Variants in RNF213 observed in about 807,000 individuals in gnomAD.
RNF213 encodes ring finger protein 213.
A neutral mutation model predicts 514.4 loss-of-function variants in RNF213; 341 were observed. That is an observed-to-expected ratio of 0.66 (90% CI 0.61 to 0.73). The LOEUF is 0.73. Ranked by LOEUF, RNF213 falls within the 30% of genes least tolerant of loss-of-function variation. RNF213 has a pLI of 0.00. For synonymous variants in RNF213, 2,655 were observed against 2,658.2 expected (o/e 1.00, Z 0.04); for missense variants, 5,767 against 6,615.6 (o/e 0.87, Z 4.45).
At chr17:80,324,066 A>G (rs1004918691) in intron 17 of RNF213, among the ~76,000 whole-genome samples, 3 of 152,162 alleles carry the variant, frequency 2.0e-5, no homozygotes, top group African/African-American at 7.2e-5. Context: ...ACTTCTTCCA[A>G]TCTGGATGCC....
At position 80,290,484 on chromosome 17, in the gene RNF213, CA is replaced by C. The variant is rs2044676571; in HGVS notation, c.1113-85del. On this transcript the variant is annotated intron_variant, in intron 6 of 67. Coordinates refer to ENST00000582970, the MANE Select transcript of RNF213 (RefSeq NM_001256071.3). The stretch of plus-strand genomic sequence containing the variant: ...ATGTGTGTGTGCACGTGTGTGTGCG[CA>C]CGTGTGTGTGTGCGCGTGTGTGCAT... The C allele has an allele frequency of 4.3e-5, 66 of 1,523,358 alleles. 2 individuals are homozygous for C. The South Asian group carries it at 7.2e-4, about 17-fold the overall frequency. 94.4% of individuals were successfully genotyped at this position (1,523,358 alleles called of 1,614,324 possible). A position where few individuals can be genotyped will look rare whatever the true frequency, so the allele number is the denominator to read the frequency against.
Position 80,295,559 on chromosome 17 carries a change from G to A in RNF213, c.1758G>A (p.Val586=). 1 of 1,614,156 alleles carries A rather than the reference G, an allele frequency of 6.2e-7. No individual in the cohort carries two copies. The highest frequency in any genetic ancestry group is 1.1e-5 in the South Asian group (1 of 91,068). Residue 586 remains valine, a splice_region_variant and synonymous_variant, in exon 10 of 68, where the codon GTG becomes GTA. Coordinates refer to ENST00000582970, the MANE Select transcript of RNF213 (RefSeq NM_001256071.3). The part of the protein sequence containing the change: ...WTDLQYREKE[V]KRYLWQHLKK... ...TCTTCCTCTTCTCCCACCATCAGGT[G>A]AAGAGATACCTGTGGCAACATCTGA... is the stretch of plus-strand genomic sequence containing the variant.
intron 42 of RNF213, 124 bp from the exon 43 acceptor site, chr17:80,367,624 C>T (rs375490430): frequency 6.9e-5 from 50 of 728,984 alleles, no homozygotes; most frequent in South Asian, 6.0e-4. Flanking sequence ...ACAAAGGCCT[C>T]GCACCCCACA....
intron 3 of RNF213, among the ~76,000 whole-genome samples, chr17:80,286,862 C>T (rs914222275): frequency 6.6e-6 from 1 of 152,148 alleles, no homozygotes; most frequent in African/African-American, 2.4e-5. Flanking sequence ...TCCTGGCAGC[C>T]TCCTCCCACC....
At chr17:80,305,688 T>G (rs753044530) in intron 11 of RNF213, among the ~76,000 whole-genome samples, 3 of 151,328 alleles carry the variant, frequency 2.0e-5, no homozygotes, top group Non-Finnish European at 4.4e-5. Flanking sequence ...CTCGGCTCAC[T>G]GCAATCTCTG....
rs1023343641 is a variant in RNF213 at position 80,295,556 on chromosome 17, G to A, written c.1756-1G>A. The A allele has an allele frequency of 5.0e-6, 8 of 1,614,016 alleles. No homozygotes were observed. The highest frequency in any genetic ancestry group is 6.8e-6 in the Non-Finnish European group (8 of 1,180,024). On this transcript the variant is annotated splice_acceptor_variant, in intron 9 of 67. Coordinates refer to ENST00000582970, the MANE Select transcript of RNF213 (RefSeq NM_001256071.3). LOFTEE classifies it high-confidence loss of function. Reference sequence around the variant, plus strand: ...GCATCTTCCTCTTCTCCCACCATCAGGTGAAGAGATACCTGTGGCAACATC... The same window carrying A: ...GCATCTTCCTCTTCTCCCACCATCAAGTGAAGAGATACCTGTGGCAACATC...
In RNF213 at chr17:80,313,001, T is replaced by C; in HGVS notation, c.2656-11T>C. ...CGAGGATGACTGACCCTCCCTCTTGTGTGACAACAGGATTCTGCAGGACAG... is the reference window on the plus strand; with the variant it reads ...CGAGGATGACTGACCCTCCCTCTTGCGTGACAACAGGATTCTGCAGGACAG... On this transcript the variant is annotated splice_polypyrimidine_tract_variant and intron_variant, in intron 14 of 67. Coordinates refer to ENST00000582970, the MANE Select transcript of RNF213 (RefSeq NM_001256071.3). The C allele has an allele frequency of 6.2e-7, 1 of 1,613,744 alleles. No individual in the cohort carries two copies. Among genetic ancestry groups the C allele is most frequent in the African/African-American group, 1.3e-5 (1 of 75,038 alleles).
chr17:80,350,726 G>T (rs2078479216), intron 31 of RNF213, among the ~76,000 whole-genome samples: 1 of 152,234 alleles, frequency 6.6e-6, no homozygotes, highest in South Asian at 2.1e-4. Context: ...TTGAGCCTGG[G>T]AGGTCAAGGC....
At chr17:80,361,100 C>CTGTAGCCATGCAACATACAA (rs1018447831) in intron 38 of RNF213, among the ~76,000 whole-genome samples, 2 of 152,208 alleles carry the variant, frequency 1.3e-5, no homozygotes, top group Non-Finnish European at 2.9e-5. Flanking sequence ...ATGCTGTGAC[C>CTGTAGCCATGCAACATACAA]TGTAGCCATG....
At chr17:80,261,845 G>A (rs1039262196) in intron 1 of RNF213, among the ~76,000 whole-genome samples, 4 of 152,144 alleles carry the variant, frequency 2.6e-5, no homozygotes, top group Admixed American at 2.6e-4. Context: ...ATGAAACCCC[G>A]TTTCTACTAA....
At chr17:80,328,090 C>T in intron 19 of RNF213, 101 bp downstream of exon 19, 1 of 1,367,836 alleles carries the variant, frequency 7.3e-7, no homozygotes, top group Non-Finnish European at 1.0e-6. Context: ...AGATAATCAT[C>T]TTAGCCTTGA....
chr17:80,372,000 T>A lies in RNF213; in HGVS notation c.12537+15T>A. The A allele has an allele frequency of 7.7e-7, 1 of 1,299,268 alleles. No homozygotes were observed. The highest frequency in any genetic ancestry group is 1.1e-6 in the Non-Finnish European group (1 of 892,476). The allele number at this position is 1,299,268 out of a possible 1,614,324, so 80.5% of individuals were successfully genotyped here. A position where few individuals can be genotyped will look rare whatever the true frequency, so the allele number is the denominator to read the frequency against. The stretch of plus-strand genomic sequence containing the variant: ...ACTGCCTGGAGGTAAGTGAACTCTC[T>A]CTTCCCTGAATTTCTTTTGGAAACT... On this transcript the variant is annotated intron_variant, in intron 47 of 67. Transcript: ENST00000582970.
At chr17:80,304,531 T>TGGGGAGGCTGAGGCAGGAGAATG (rs2045290236) in intron 11 of RNF213, among the ~76,000 whole-genome samples, 4 of 147,922 alleles carry the variant, frequency 2.7e-5, no homozygotes, top group Admixed American at 2.7e-4. Flanking sequence ...TCACAGCTAC[T>TGGGGAGGCTGAGGCAGGAGAATG]GGGGAGGCTG....
In RNF213 at chr17:80,389,190, G is replaced by A. The variant is rs1485237975; in HGVS notation, c.15018G>A (p.Ser5006=). ...TTTCCCAGGACTCCCTCCCCAGCTC[G>A]GTCATTAGTGCCATCAGTGGACAGC... ...NKMAQDSLPS[S]VISAISGQLQ... Residue 5006 remains serine, a synonymous_variant, in exon 65 of 68, where the codon TCG becomes TCA. Coordinates refer to ENST00000582970, the MANE Select transcript of RNF213 (RefSeq NM_001256071.3). 11 of 1,613,950 alleles carry A rather than the reference G, an allele frequency of 6.8e-6. No homozygotes were observed. The highest frequency in any genetic ancestry group is 1.6e-4 in the Middle Eastern group (1 of 6,082).
chr17:80,287,935 C>A lies in RNF213; in HGVS notation c.382C>A (p.Pro128Thr). The change falls in exon 4 of 68, where the codon CCT becomes ACT. Residue 128 changes from proline (P) to threonine (T), a missense_variant. Transcript: ENST00000582970. ...CHLTLLSNPW[P>T]QDTALPHSQA... ...CCTGACTTTGCTTTCAAACCCGTGG[C>A]CTCAGGACACAGCCCTGCCCCACAG... The A allele has an allele frequency of 6.4e-7, 1 of 1,569,300 alleles. No individual in the cohort carries two copies. The highest frequency in any genetic ancestry group is 8.6e-7 in the Non-Finnish European group (1 of 1,157,138).
At chr17:80,375,569 G>C (rs1027966802) in intron 50 of RNF213, among the ~76,000 whole-genome samples, 191 bp from the exon 51 acceptor site, 20 of 151,944 alleles carry the variant, frequency 1.3e-4, no homozygotes, top group African/African-American at 4.8e-4. Flanking sequence ...AGCCGGACAT[G>C]GTTGCGTGTG....
intron 31 of RNF213, among the ~76,000 whole-genome samples, chr17:80,351,473 GAGA>G (rs2078510963): frequency 1.3e-5 from 2 of 152,228 alleles, no homozygotes; most frequent in Non-Finnish European, 2.9e-5. Flanking sequence ...GAGCCGCTAA[GAGA>G]AGATTTCTCA....
intron 3 of RNF213, among the ~76,000 whole-genome samples, chr17:80,285,343 ACCCAG>A (rs1253970692): frequency 6.6e-6 from 1 of 152,026 alleles, no homozygotes; most frequent in Non-Finnish European, 1.5e-5. Flanking sequence ...GGCCCTCTAA[ACCCAG>A]CCCAGACGCC....
intron 50 of RNF213, chr17:80,375,112 G>A (rs1430244192): frequency 3.4e-5 from 6 of 175,380 alleles, no homozygotes; most frequent in Admixed American, 1.1e-4. Flanking sequence ...AAGAGGAAAT[G>A]GAAAATCCTC....
Sources: gnomAD v4.1 joint callset for allele counts (sites outside exome capture counted in the v4.1 genomes callset) on GRCh38, gnomAD v4.1.1 for gene constraint, MANE v1.5 for transcripts, NCBI Gene and HGNC (gene_info 2026-07-23, HGNC 2026-07-21) for gene names.